SLCO1A2: variants seen among roughly 807,000 people sequenced by gnomAD.
SLCO1A2 encodes OATP-1.
In SLCO1A2, 67 loss-of-function variants were observed where a neutral mutation model predicts 69.0. The ratio of observed to expected loss-of-function variants is 0.97; its 90% CI spans 0.80 to 1.19. The LOEUF is 1.19. Among genes scored for constraint, SLCO1A2 ranks in the 50% most tolerant of loss-of-function variants. The pLI, the probability that SLCO1A2 is intolerant of heterozygous loss-of-function variation, is 0.00. For synonymous variants in SLCO1A2, 260 were observed against 265.9 expected (o/e 0.98, Z 0.22); for missense variants, 787 against 793.7 (o/e 0.99, Z 0.10).
intron 2 of SLCO1A2, among the ~76,000 whole-genome samples, chr12:21,362,024 A>C (rs1201427134): frequency 6.6e-6 from 1 of 152,180 alleles, no homozygotes; most frequent in Non-Finnish European, 1.5e-5. Context: ...GCCAACATTC[A>C]AATTCAGAAA....
chr12:21,283,014 G>C (rs368233814), intron 12 of SLCO1A2, among the ~76,000 whole-genome samples: 2 of 152,090 alleles, frequency 1.3e-5, no homozygotes, highest in African/African-American at 4.8e-5. Flanking sequence ...GCAATCTACA[G>C]ATTTGATGCT....
chr12:21,361,218 C>T (rs148996668), intron 2 of SLCO1A2, among the ~76,000 whole-genome samples: 24 of 152,318 alleles, frequency 1.6e-4, no homozygotes, highest in African/African-American at 5.8e-4. Context: ...GCAACATCTG[C>T]TGTTCTGCAA....
At chr12:21,362,094 C>T (rs1189313435) in intron 2 of SLCO1A2, among the ~76,000 whole-genome samples, 1 of 152,080 alleles carries the variant, frequency 6.6e-6, no homozygotes, top group Non-Finnish European at 1.5e-5. Context: ...ACATAATTGT[C>T]AGATTCACCA....
intron 2 of SLCO1A2, among the ~76,000 whole-genome samples, chr12:21,330,778 A>G (rs1952566447): frequency 6.6e-6 from 1 of 152,146 alleles, no homozygotes; most frequent in Admixed American, 6.6e-5. Context: ...TCAAAGTTCA[A>G]TTTTTAGAAA....
Position 21,275,385 on chromosome 12 carries a change from TA to T in SLCO1A2, c.1649del (p.Leu550TyrfsTer21). On this transcript the variant is annotated frameshift_variant, in exon 13 of 15. Coordinates refer to ENST00000683939, the MANE Select transcript of SLCO1A2 (RefSeq NM_001386879.1). LOFTEE classifies it high-confidence loss of function. ...CAAATACTCTTGTGCAAAATGTATG[TA>T]ATCCCACACCAAGGGACTTCTCTTC... The part of the protein sequence containing the change: ...KSEEKSLGVG[L>X]HTFCTRVFAG... 1 of 1,559,188 alleles carries T rather than the reference TA, an allele frequency of 6.4e-7. No individual in the cohort carries two copies. Among genetic ancestry groups the T allele is most frequent in the Non-Finnish European group, 8.7e-7 (1 of 1,144,062 alleles).
At chr12:21,297,641 TC>T in intron 8 of SLCO1A2, 73 bp from the exon 9 acceptor site, 2 of 921,018 alleles carry the variant, frequency 2.2e-6, no homozygotes, top group Admixed American at 2.6e-5. Context: ...TCCTGAAACA[TC>T]CACCTCCTCA....
In SLCO1A2 at chr12:21,292,231, T is replaced by C. The variant is rs764513238; in HGVS notation, c.1543A>G (p.Ile515Val). 7 of 1,612,922 alleles carry C rather than the reference T, an allele frequency of 4.3e-6. No homozygotes were observed. The highest frequency in any genetic ancestry group is 4.5e-5 in the East Asian group (2 of 44,786). ...DCSLMLQYFL[I>V]LSAMSSFIYS... ...ATGAAACTGCTCATCGCTGACAAGATTAGGAAGTACTGGAGCATCAAGGAA... is the reference window on the plus strand; with the variant it reads ...ATGAAACTGCTCATCGCTGACAAGACTAGGAAGTACTGGAGCATCAAGGAA... Residue 515 changes from isoleucine to valine, a missense_variant, in exon 12 of 15, where the codon ATC becomes GTC. Transcript: ENST00000683939.
At chr12:21,317,573 C>G (rs541742104) in intron 3 of SLCO1A2, among the ~76,000 whole-genome samples, 1 of 152,110 alleles carries the variant, frequency 6.6e-6, no homozygotes, top group Admixed American at 6.6e-5. Context: ...CTCTACCTTC[C>G]GTTAGATTAT....
chr12:21,363,385 C>CATT (rs1171684197), intron 2 of SLCO1A2, among the ~76,000 whole-genome samples: 1 of 152,176 alleles, frequency 6.6e-6, no homozygotes, highest in Non-Finnish European at 1.5e-5. Flanking sequence ...CTCTGGGACA[C>CATT]ATTTAAAGCT....
chr12:21,301,555 G>A (rs1394779313), intron 6 of SLCO1A2, among the ~76,000 whole-genome samples: 1 of 152,122 alleles, frequency 6.6e-6, no homozygotes, highest in African/African-American at 2.4e-5. Context: ...GTCCCAGCTG[G>A]GATCATGCCA....
At chr12:21,348,279 T>C (rs548281023) in intron 2 of SLCO1A2, among the ~76,000 whole-genome samples, 7 of 152,344 alleles carry the variant, frequency 4.6e-5, no homozygotes, top group African/African-American at 1.7e-4. Flanking sequence ...TTTTAAAATG[T>C]ATGGTTAAGT....
chr12:21,325,539 C>T (rs985343697), intron 2 of SLCO1A2, among the ~76,000 whole-genome samples: 22 of 152,248 alleles, frequency 1.4e-4, no homozygotes, highest in African/African-American at 5.1e-4. Context: ...AGATTTGCCC[C>T]AGGCAATTTC....
rs548851655 is a variant in SLCO1A2 at position 21,388,025 on chromosome 12, T to C, written c.-190+6881A>G. On this transcript the variant is annotated intron_variant, in intron 1 of 15. Transcript: ENST00000307378. ...GACTGCCCATTGGATTTTAGACTTA[T>C]GTTGGGCCTGTAGCCCCTTTGTTTT... Among the ~76,000 whole-genome samples, 109 of 152,360 alleles carry C rather than the reference T, an allele frequency of 7.2e-4. 1 individual carries two copies. Among genetic ancestry groups the C allele is most frequent in the African/African-American group, 2.6e-3 (107 of 41,582 alleles).
At chr12:21,308,884 T>C (rs1198072145) in intron 4 of SLCO1A2, among the ~76,000 whole-genome samples, 2 of 152,040 alleles carry the variant, frequency 1.3e-5, no homozygotes, top group African/African-American at 4.8e-5. Flanking sequence ...TGTGAATAGA[T>C]AACAAACAAC....
At chr12:21,391,321 C>T (rs1941140099) in intron 1 of SLCO1A2, among the ~76,000 whole-genome samples, 1 of 152,084 alleles carries the variant, frequency 6.6e-6, no homozygotes, top group Non-Finnish European at 1.5e-5. Flanking sequence ...CAATTTCAGT[C>T]TCGTGGAGCT....
chr12:21,314,406 C>T (rs1377957379), intron 4 of SLCO1A2, 143 bp downstream of exon 4: 1 of 849,572 alleles, frequency 1.2e-6, no homozygotes, highest in African/African-American at 1.7e-5. Flanking sequence ...ACCAAATAGA[C>T]AGATGGAACA....
chr12:21,361,226 C>A (rs888204118), intron 2 of SLCO1A2, among the ~76,000 whole-genome samples: 1 of 152,154 alleles, frequency 6.6e-6, no homozygotes, highest in Admixed American at 6.5e-5. Flanking sequence ...TGCTGTTCTG[C>A]AATATTAGCT....
chr12:21,397,945 A>G (rs1941534983), upstream of SLCO1A2, among the ~76,000 whole-genome samples: 1 of 99,064 alleles, frequency 1.0e-5, no homozygotes, highest in East Asian at 2.6e-4. Context: ...TTGACACCCT[A>G]ACATCACAAT....
chr12:21,418,974 A>T (rs976311726), upstream of SLCO1A2, among the ~76,000 whole-genome samples: 2 of 152,148 alleles, frequency 1.3e-5, no homozygotes, highest in Non-Finnish European at 2.9e-5. Flanking sequence ...TATAAAATAC[A>T]ATGTGTTCCA....
Sources: gnomAD v4.1 joint callset for allele counts (sites outside exome capture counted in the v4.1 genomes callset) on GRCh38, gnomAD v4.1.1 for gene constraint, MANE v1.5 for transcripts, NCBI Gene and HGNC (gene_info 2026-07-23, HGNC 2026-07-21) for gene names.